CEP120: variants seen among roughly 807,000 people sequenced by gnomAD.
CEP120 encodes the protein centrosomal protein of 120 kDa.
In CEP120, 113 loss-of-function variants were observed where a neutral mutation model predicts 126.5. The observed-to-expected ratio is 0.89, with a 90% CI of 0.77 to 1.04. The LOEUF is 1.04. Ranked by LOEUF, CEP120 falls within the 50% of genes least tolerant of loss-of-function variation. CEP120 has a pLI of 0.00. For synonymous variants in CEP120, 400 were observed against 394.3 expected (o/e 1.01, Z -0.17); for missense variants, 1,230 against 1,155.7 (o/e 1.06, Z -0.93).
intron 18 of CEP120, among the ~76,000 whole-genome samples, chr5:123,353,982 T>G (rs1172737464): frequency 6.6e-6 from 1 of 152,096 alleles, no homozygotes; most frequent in Non-Finnish European, 1.5e-5. Context: ...ACTTTCTTCT[T>G]GTTCTACTGA....
At chr5:123,374,392 C>T (rs1771059962) in intron 16 of CEP120, among the ~76,000 whole-genome samples, 1 of 151,968 alleles carries the variant, frequency 6.6e-6, no homozygotes, top group Non-Finnish European at 1.5e-5. Context: ...AACAAAATGA[C>T]AAGATAGCCT....
intron 4 of CEP120, among the ~76,000 whole-genome samples, chr5:123,408,993 G>A (rs1438151184): frequency 6.6e-6 from 1 of 152,118 alleles, no homozygotes; most frequent in South Asian, 2.1e-4. Flanking sequence ...GATCACTTGA[G>A]CCCAGGAGTT....
chr5:123,355,894 G>A (rs910855760), intron 18 of CEP120, among the ~76,000 whole-genome samples: 2 of 148,636 alleles, frequency 1.3e-5, no homozygotes, highest in East Asian at 2.0e-4. Flanking sequence ...TTTCTTCTGG[G>A]GTTTTTATGG....
rs1403690975 is a variant in CEP120, at chr5:123,382,902, C to T, written c.1861-13G>A. Reference sequence around the variant, plus strand: ...CGGCAGATACACCCTAAGAGATGAACCAAAAAGTACATTTAAACACTCACA... The same window carrying T: ...CGGCAGATACACCCTAAGAGATGAATCAAAAAGTACATTTAAACACTCACA... On this transcript the variant is annotated splice_polypyrimidine_tract_variant and intron_variant, in intron 12 of 19. Transcript: ENST00000306467. 3.1e-6 allele frequency: 5 copies of T among 1,610,186 alleles called. No individual in the cohort carries two copies. The highest frequency in any genetic ancestry group is 1.3e-5 in the African/African-American group (1 of 74,570).
At position 123,399,144 on chromosome 5, in the gene CEP120, A is replaced by T; in HGVS notation, c.604T>A (p.Leu202Met). The change falls in exon 5 of 20, where the codon TTG (leucine) becomes ATG (methionine). Residue 202 changes from leucine (L) to methionine (M), a missense_variant. Transcript: ENST00000306467. ...MSVTIAFATQ[L>M]EQLIPCTMKL... ...CTCATGAAAAGTCTCACCTGTTCCA[A>T]CTGGGTAGCAAATGCTATGGTCACT... The T allele has an allele frequency of 6.2e-7, 1 of 1,608,428 alleles. No homozygotes were observed.
rs1317780281 is a variant in CEP120, at chr5:123,423,292, T to G, written c.-294A>C. ...CGCCACCCGAGGACCTTTTGCCGCC[T>G]GCGTAGCCGCTTTTCAAACGCCCGG... On this transcript the variant is annotated 5_prime_UTR_variant, in exon 1 of 20. Transcript: ENST00000306467. The G allele has an allele frequency of 4.7e-6, 2 of 422,802 alleles. No homozygotes were observed. The highest frequency in any genetic ancestry group is 4.2e-6 in the Non-Finnish European group (1 of 237,094). 26.2% of individuals were successfully genotyped at this position (422,802 alleles called of 1,614,324 possible). A position where few individuals can be genotyped will look rare whatever the true frequency, so the allele number is the denominator to read the frequency against.
At chr5:123,387,852 C>A (rs965831965) in intron 9 of CEP120, among the ~76,000 whole-genome samples, 1 of 151,830 alleles carries the variant, frequency 6.6e-6, no homozygotes, top group African/African-American at 2.4e-5. Context: ...ACTTAACTGA[C>A]ATATATATTA....
At chr5:123,349,583 C>A (rs1221888187) in intron 19 of CEP120, among the ~76,000 whole-genome samples, 2 of 152,004 alleles carry the variant, frequency 1.3e-5, no homozygotes, top group African/African-American at 4.8e-5. Context: ...AATGGACTTG[C>A]CATAGCTGTA....
chr5:123,422,633 C>T, intron 1 of CEP120: 5 of 1,224,874 alleles, frequency 4.1e-6, no homozygotes, highest in South Asian at 1.3e-5. Context: ...GATCAGAACG[C>T]GCTTCTCAGG....
At chr5:123,382,946 T>A (rs1771756456) in intron 12 of CEP120, 40 bp downstream of exon 12, 8 of 1,600,946 alleles carry the variant, frequency 5.0e-6, no homozygotes, top group Non-Finnish European at 6.8e-6. Flanking sequence ...CACATTAGAT[T>A]CCTTTTAAAA....
chr5:123,403,876 A>G (rs1455394673), intron 4 of CEP120: 1 of 197,216 alleles, frequency 5.1e-6, no homozygotes, highest in African/African-American at 2.4e-5. Flanking sequence ...ATACACAGAT[A>G]TAACAATTCA....
intron 16 of CEP120, among the ~76,000 whole-genome samples, chr5:123,373,847 T>C (rs982198200): frequency 3.9e-5 from 6 of 152,016 alleles, no homozygotes; most frequent in Non-Finnish European, 7.4e-5. Flanking sequence ...CCAGCAGCAG[T>C]GGTCAACCTC....
chr5:123,374,406 C>A (rs1343892656), intron 16 of CEP120, among the ~76,000 whole-genome samples: 6 of 152,048 alleles, frequency 3.9e-5, no homozygotes, highest in African/African-American at 1.4e-4. Context: ...ATAGCCTTGA[C>A]TAAACATTCA....
rs1046473224 is a variant in CEP120, at chr5:123,422,883, C to T, written c.49+67G>A. On this transcript the variant is annotated intron_variant, in intron 1 of 19. Coordinates refer to ENST00000306467, the MANE Select transcript of CEP120 (RefSeq NM_001375405.1). Reference sequence around the variant, plus strand: ...AGGGTTCTTAAGGTTAACAAGGCCTCGGTCCCACACTAAGCTTTTAAAACT... The same window carrying T: ...AGGGTTCTTAAGGTTAACAAGGCCTTGGTCCCACACTAAGCTTTTAAAACT... 1.3e-5 allele frequency: 19 copies of T among 1,421,056 alleles called. No homozygotes were observed. In the African/African-American group the frequency reaches 1.4e-4, roughly 11 times the overall value. The allele number at this position is 1,421,056 out of a possible 1,614,324, so 88.0% of individuals were successfully genotyped here.
intron 6 of CEP120, 31 bp from the exon 7 acceptor site, chr5:123,391,368 C>T (rs1466497632): frequency 1.4e-6 from 2 of 1,480,620 alleles, no homozygotes; most frequent in Admixed American, 1.8e-5. Context: ...CAAAATAGGG[C>T]TTTATACTTT....
At chr5:123,389,463 A>T (rs1014972118) in intron 8 of CEP120, among the ~76,000 whole-genome samples, 6 of 152,156 alleles carry the variant, frequency 3.9e-5, no homozygotes, top group Non-Finnish European at 8.8e-5. Flanking sequence ...GATTGCAATG[A>T]CTTTGCATTG....
At chr5:123,353,744 A>C (rs776262811) in intron 18 of CEP120, among the ~76,000 whole-genome samples, 7 of 151,866 alleles carry the variant, frequency 4.6e-5, no homozygotes, top group Non-Finnish European at 8.8e-5. Flanking sequence ...ATTCACATGA[A>C]ATTGTTCATA....
At chr5:123,393,552 C>G in intron 5 of CEP120, 55 bp from the exon 6 acceptor site, 1 of 1,376,986 alleles carries the variant, frequency 7.3e-7, no homozygotes. Flanking sequence ...ACTGAACATG[C>G]TTAGTGTATC....
chr5:123,373,478 C>T (rs1403931282), intron 16 of CEP120, among the ~76,000 whole-genome samples: 2 of 151,920 alleles, frequency 1.3e-5, no homozygotes, highest in African/African-American at 2.4e-5. Context: ...GAGCAATTGC[C>T]CAGTGTCCAA....
Sources: allele counts gnomAD v4.1 joint callset (sites outside exome capture counted in the v4.1 genomes callset), GRCh38; gene constraint gnomAD v4.1.1; transcripts MANE v1.5; gene names NCBI Gene and HGNC (gene_info 2026-07-23, HGNC 2026-07-21).